The following SPRED2 variants were observed in gnomAD, a reference collection of about 807,000 sequenced individuals.
SPRED2 encodes the protein sprouty related EVH1 domain containing 2.
A neutral mutation model predicts 43.0 loss-of-function variants in SPRED2; 47 were observed. The observed-to-expected ratio is 1.09, with a 90% CI of 0.87 to 1.40. SPRED2 has a LOEUF of 1.40. Among genes scored for constraint, SPRED2 ranks in the 40% most tolerant of loss-of-function variants. SPRED2 has a pLI of 0.00. For missense variants in SPRED2, 561 were observed against 586.4 expected, an observed-to-expected ratio of 0.96 and a Z score of 0.45; for synonymous variants, 225 against 225.7, an observed-to-expected ratio of 1.00 and a Z score of 0.03.
At chr2:65,361,674 G>A (rs1051411058) in intron 1 of SPRED2, among the ~76,000 whole-genome samples, 7 of 152,176 alleles carry the variant, frequency 4.6e-5, no homozygotes, top group South Asian at 2.1e-4. Context: ...GGGGTTAAGC[G>A]ATGTTTTTTA....
At chr2:65,360,079 C>CAAAAAAAAAAAAAAAA (rs143422380) in intron 1 of SPRED2, among the ~76,000 whole-genome samples, 1 of 93,700 alleles carries the variant, frequency 1.1e-5, no homozygotes, top group Non-Finnish European at 2.0e-5. Context: ...AAAAAAAAAA[C>CAAAAAAAAAAAAAAAA]AAAAAAAAAC....
chr2:65,318,904 T>C (rs180718647), intron 4 of SPRED2, among the ~76,000 whole-genome samples: 2 of 152,272 alleles, frequency 1.3e-5, no homozygotes, highest in South Asian at 2.1e-4. Flanking sequence ...TGCTTTGGCC[T>C]CCCAATATGC....
intron 1 of SPRED2, among the ~76,000 whole-genome samples, chr2:65,386,831 C>T (rs927501725): frequency 1.3e-5 from 2 of 152,136 alleles, no homozygotes; most frequent in Admixed American, 6.5e-5. Flanking sequence ...CAAACCTGCA[C>T]GTTGTGCACA....
intron 1 of SPRED2, among the ~76,000 whole-genome samples, chr2:65,383,072 AAG>A (rs1282255109): frequency 6.6e-6 from 1 of 152,218 alleles, no homozygotes; most frequent in African/African-American, 2.4e-5. Context: ...GCCTCTCTGC[AAG>A]AGTCATACAA....
At chr2:65,322,252 CTCTCTCTCTCTCTCTCTCTA>C (rs1384285269) in intron 4 of SPRED2, among the ~76,000 whole-genome samples, 2 of 76,320 alleles carry the variant, frequency 2.6e-5, no homozygotes, top group Admixed American at 1.6e-4. Flanking sequence ...CTCTCTCTCT[CTCTCTCTCTCTCTCTCTCTA>C]TATATATATA....
chr2:65,397,938 C>A (rs931453252), intron 1 of SPRED2, among the ~76,000 whole-genome samples: 4 of 152,170 alleles, frequency 2.6e-5, no homozygotes, highest in African/African-American at 9.7e-5. Flanking sequence ...CTAAGCAAGA[C>A]TAAGCAAAAA....
At chr2:65,335,483 A>G (rs972091815) in intron 2 of SPRED2, among the ~76,000 whole-genome samples, 3 of 152,248 alleles carry the variant, frequency 2.0e-5, no homozygotes, top group Non-Finnish European at 2.9e-5. Flanking sequence ...TTTATCTCTA[A>G]GATGGAAAGA....
At chr2:65,355,112 A>G (rs1674612372) in intron 1 of SPRED2, among the ~76,000 whole-genome samples, 1 of 152,170 alleles carries the variant, frequency 6.6e-6, no homozygotes, top group Non-Finnish European at 1.5e-5. Flanking sequence ...CTTTGCTCTA[A>G]TCCTTACTAA....
At chr2:65,425,399 TTAAA>T (rs1287657342) in intron 1 of SPRED2, among the ~76,000 whole-genome samples, 2 of 152,228 alleles carry the variant, frequency 1.3e-5, no homozygotes, top group African/African-American at 4.8e-5. Flanking sequence ...AAGTTTGTTT[TTAAA>T]TAAATATTCA....
chr2:65,380,668 G>GA (rs1675351357), intron 1 of SPRED2: 1 of 151,926 alleles, frequency 6.6e-6, no homozygotes, highest in Admixed American at 6.5e-5. Flanking sequence ...TTTTTCTTCT[G>GA]AAAAGAGTTC....
At position 65,313,368 on chromosome 2, in the gene SPRED2, G is replaced by A; in HGVS notation, c.*133C>T. ...GTCCCTGGCTGGAATGGTGCCTCGA[G>A]GTACCAGGGAGCTGGGAGGCCGCTT... is the stretch of plus-strand genomic sequence containing the variant. On this transcript the variant is annotated 3_prime_UTR_variant, in exon 6 of 6. Transcript: ENST00000356388. 1.3e-6 allele frequency: 2 copies of A among 1,496,552 alleles called. No homozygotes were observed. The highest frequency in any genetic ancestry group is 1.8e-6 in the Non-Finnish European group (2 of 1,132,204). 92.7% of individuals were successfully genotyped at this position (1,496,552 alleles called of 1,614,324 possible). A position where few individuals can be genotyped will look rare whatever the true frequency, so the allele number is the denominator to read the frequency against.
intron 1 of SPRED2, among the ~76,000 whole-genome samples, chr2:65,424,338 A>G (rs1357121708): frequency 2.0e-5 from 3 of 152,178 alleles, no homozygotes; most frequent in Admixed American, 6.5e-5. Context: ...ATTGTGAAAA[A>G]TTGTTAAATT....
intron 1 of SPRED2, among the ~76,000 whole-genome samples, chr2:65,431,701 G>C (rs1420517114): frequency 2.6e-5 from 4 of 152,126 alleles, no homozygotes; most frequent in Non-Finnish European, 5.9e-5. Flanking sequence ...GGAGACCGCC[G>C]GGAGGTCACC....
At chr2:65,371,215 T>C (rs1041477428) in intron 1 of SPRED2, among the ~76,000 whole-genome samples, 1 of 152,200 alleles carries the variant, frequency 6.6e-6, no homozygotes, top group Non-Finnish European at 1.5e-5. Context: ...AAAACTTGTT[T>C]ATTTGGGGGA....
At chr2:65,352,988 A>G (rs1674553904) in intron 1 of SPRED2, among the ~76,000 whole-genome samples, 1 of 152,212 alleles carries the variant, frequency 6.6e-6, no homozygotes, top group Non-Finnish European at 1.5e-5. Context: ...ATGGTATGGA[A>G]TGAGTTTTAG....
At chr2:65,428,257 AGT>A (rs1280861217) in intron 1 of SPRED2, among the ~76,000 whole-genome samples, 2 of 152,236 alleles carry the variant, frequency 1.3e-5, no homozygotes, top group African/African-American at 4.8e-5. Flanking sequence ...CAAAATAGGT[AGT>A]GTCTATTCCC....
At chr2:65,397,788 G>A (rs1384424740) in intron 1 of SPRED2, among the ~76,000 whole-genome samples, 3 of 151,830 alleles carry the variant, frequency 2.0e-5, no homozygotes, top group Non-Finnish European at 4.4e-5. Context: ...GAGTAGAATC[G>A]ATATTGTGAA....
downstream of SPRED2, among the ~76,000 whole-genome samples, chr2:65,309,817 C>G (rs1456374698): frequency 6.6e-6 from 1 of 152,162 alleles, no homozygotes; most frequent in Non-Finnish European, 1.5e-5. Context: ...CCCCAGAGAA[C>G]CAGACGGACA....
At chr2:65,397,197 T>A (rs1357150288) in intron 1 of SPRED2, among the ~76,000 whole-genome samples, 1 of 152,116 alleles carries the variant, frequency 6.6e-6, no homozygotes. Flanking sequence ...ACACACTACA[T>A]CTTGGCACCA....
Sources: allele counts gnomAD v4.1 joint callset (sites outside exome capture counted in the v4.1 genomes callset), GRCh38; gene constraint gnomAD v4.1.1; transcripts MANE v1.5; gene names NCBI Gene and HGNC (gene_info 2026-07-23, HGNC 2026-07-21).